The following ATP6V0A4 variants were observed in gnomAD, a reference collection of about 807,000 sequenced individuals.
ATP6V0A4 encodes the protein ATPase H+ transporting V0 subunit a4.
Under a neutral mutation model 107.3 loss-of-function variants are expected in ATP6V0A4, and 86 were observed. That is an observed-to-expected ratio of 0.80 (90% CI 0.67 to 0.96). ATP6V0A4 has a LOEUF of 0.96. Among genes scored for constraint, ATP6V0A4 ranks in the 40% least tolerant of loss-of-function variants. The probability of loss-of-function intolerance (pLI) is 0.00; values close to 1 mark genes in which losing one functional copy is unlikely to be tolerated. For synonymous variants in ATP6V0A4, 353 were observed against 381.4 expected (o/e 0.93, Z 0.87); for missense variants, 908 against 1,045.6 (o/e 0.87, Z 1.81).
intron 3 of ATP6V0A4, 74 bp downstream of exon 3, chr7:138,771,057 T>A (rs1584941403): frequency 7.2e-7 from 1 of 1,385,526 alleles, no homozygotes; most frequent in Admixed American, 1.7e-5. Context: ...TTGTTCACCA[T>A]AAAGAAGTGT....
intron 1 of ATP6V0A4, among the ~76,000 whole-genome samples, chr7:138,797,058 C>G (rs1278582377): frequency 6.6e-6 from 1 of 152,110 alleles, no homozygotes; most frequent in African/African-American, 2.4e-5. Context: ...GGCTCACCTG[C>G]GCTTCTGGGT....
intron 11 of ATP6V0A4, among the ~76,000 whole-genome samples, chr7:138,749,688 C>T (rs1448144322): frequency 6.6e-6 from 1 of 152,084 alleles, no homozygotes; most frequent in African/African-American, 2.4e-5. Context: ...TCCTAATTGC[C>T]TGCTTAGACT....
intron 15 of ATP6V0A4, 102 bp from the exon 16 acceptor site, chr7:138,734,356 G>A: frequency 6.4e-7 from 1 of 1,561,368 alleles, no homozygotes; most frequent in South Asian, 1.1e-5. Flanking sequence ...ACCGCTCTGG[G>A]AACTGCACTT....
intron 10 of ATP6V0A4, among the ~76,000 whole-genome samples, chr7:138,755,028 C>A (rs1237992613): frequency 6.6e-6 from 1 of 152,216 alleles, no homozygotes; most frequent in Non-Finnish European, 1.5e-5. Flanking sequence ...CTCGTGACTA[C>A]AGTGTTGGAC....
intron 20 of ATP6V0A4, among the ~76,000 whole-genome samples, chr7:138,714,144 G>A (rs1304856059): frequency 6.6e-6 from 1 of 150,790 alleles, no homozygotes; most frequent in Non-Finnish European, 1.5e-5. Context: ...TACTTGGGAA[G>A]CTGAGGCGGT....
At chr7:138,790,172 T>A (rs1426377315) in intron 1 of ATP6V0A4, among the ~76,000 whole-genome samples, 3 of 152,322 alleles carry the variant, frequency 2.0e-5, no homozygotes, top group African/African-American at 7.2e-5. Flanking sequence ...TATATGTGTA[T>A]ATATTACAAA....
chr7:138,734,677 C>T (rs1024597822), intron 15 of ATP6V0A4, among the ~76,000 whole-genome samples: 1 of 149,540 alleles, frequency 6.7e-6, no homozygotes, highest in African/African-American at 2.5e-5. Flanking sequence ...ACTCAGGAGG[C>T]TGAGGCAGGA....
chr7:138,729,969 T>C (rs541240574), intron 17 of ATP6V0A4, among the ~76,000 whole-genome samples: 1 of 152,302 alleles, frequency 6.6e-6, no homozygotes, highest in African/African-American at 2.4e-5. Flanking sequence ...CTGCAACCTC[T>C]GCCTCCTGGG....
intron 18 of ATP6V0A4, among the ~76,000 whole-genome samples, chr7:138,723,614 C>T (rs2117216696): frequency 6.8e-6 from 1 of 147,934 alleles, no homozygotes; most frequent in African/African-American, 2.5e-5. Context: ...CAACCTCTGT[C>T]CCCCAGTTCA....
intron 19 of ATP6V0A4, among the ~76,000 whole-genome samples, chr7:138,718,172 C>G (rs1392904612): frequency 3.5e-5 from 3 of 85,836 alleles, no homozygotes; most frequent in African/African-American, 8.8e-5. Context: ...TCACGGATGT[C>G]TGTGGAGGGA....
chr7:138,719,385 T>C (rs1475792738), intron 19 of ATP6V0A4, among the ~76,000 whole-genome samples: 1 of 151,978 alleles, frequency 6.6e-6, no homozygotes, highest in East Asian at 1.9e-4. Flanking sequence ...TGAAGTGGGG[T>C]CTGGCCACAC....
At chr7:138,771,945 A>G (rs1306062350) in intron 2 of ATP6V0A4, among the ~76,000 whole-genome samples, 1 of 152,160 alleles carries the variant, frequency 6.6e-6, no homozygotes, top group Non-Finnish European at 1.5e-5. Context: ...AAATATGACT[A>G]AAGACTCAAG....
At chr7:138,778,915 G>A (rs1163618886) in intron 2 of ATP6V0A4, among the ~76,000 whole-genome samples, 1 of 152,168 alleles carries the variant, frequency 6.6e-6, no homozygotes, top group African/African-American at 2.4e-5. Flanking sequence ...AAGATCACAT[G>A]CAGAGCAGTA....
rs1322147216 is a variant in ATP6V0A4, at chr7:138,751,696, C to T, written c.1029+929G>A. ...ATGTCTAAGGAATGAATGGAGGGAG[C>T]GGTGAGAACTCAACGAGGACAGAGT... On this transcript the variant is annotated intron_variant, in intron 11 of 21. Coordinates refer to ENST00000310018, the MANE Select transcript of ATP6V0A4 (RefSeq NM_020632.3). Among the ~76,000 whole-genome samples, 5 of 151,960 alleles carry T rather than the reference C, an allele frequency of 3.3e-5. No individual in the cohort carries two copies. In the East Asian group the frequency reaches 5.8e-4, roughly 18 times the overall value.
chr7:138,731,766 G>A (rs1446894978), intron 17 of ATP6V0A4, among the ~76,000 whole-genome samples: 1 of 151,982 alleles, frequency 6.6e-6, no homozygotes, highest in Non-Finnish European at 1.5e-5. Flanking sequence ...GGTGGCAGGT[G>A]CTTGTAATCC....
rs774253060 is a variant in ATP6V0A4 at position 138,747,399 on chromosome 7, G to A, written c.1320+26C>T. 4 of 1,610,268 alleles carry A rather than the reference G, an allele frequency of 2.5e-6. No homozygotes were observed. In the South Asian group the frequency reaches 4.4e-5, roughly 18 times the overall value. Reference sequence around the variant, plus strand: ...ATTTTCATATTCTGAAAATGAATCAGGGCAAGACGGTCAATGGACACTCAC... The same window carrying A: ...ATTTTCATATTCTGAAAATGAATCAAGGCAAGACGGTCAATGGACACTCAC... On this transcript the variant is annotated intron_variant, in intron 13 of 21. Coordinates refer to ENST00000310018, the MANE Select transcript of ATP6V0A4 (RefSeq NM_020632.3).
At chr7:138,710,819 A>C (rs1336932306) in intron 20 of ATP6V0A4, among the ~76,000 whole-genome samples, 1 of 152,142 alleles carries the variant, frequency 6.6e-6, no homozygotes. Flanking sequence ...AAAAATGCAC[A>C]CAGAGACGCC....
At chr7:138,795,401 T>G (rs1398048603) in intron 1 of ATP6V0A4, among the ~76,000 whole-genome samples, 2 of 152,298 alleles carry the variant, frequency 1.3e-5, no homozygotes, top group South Asian at 2.1e-4. Context: ...TAGGATGGTC[T>G]CAGCTTAGGC....
chr7:138,748,659 G>A (rs1258853171), intron 12 of ATP6V0A4, among the ~76,000 whole-genome samples: 4 of 152,062 alleles, frequency 2.6e-5, no homozygotes, highest in Non-Finnish European at 4.4e-5. Context: ...CACCTCCTCC[G>A]CCTCCCAAAG....
Sources: gnomAD v4.1 joint callset for allele counts (sites outside exome capture counted in the v4.1 genomes callset) on GRCh38, gnomAD v4.1.1 for gene constraint, MANE v1.5 for transcripts, NCBI Gene and HGNC (gene_info 2026-07-23, HGNC 2026-07-21) for gene names.